TENM1: variants seen among roughly 807,000 people sequenced by gnomAD.
TENM1 encodes teneurin-1.
In TENM1, 35 loss-of-function variants were observed where a neutral mutation model predicts 174.8. The ratio of observed to expected loss-of-function variants is 0.20; its 90% CI spans 0.15 to 0.27. The LOEUF (loss-of-function observed/expected upper bound fraction) is 0.27, where lower values mean the gene tolerates loss of function less well. Ranked by LOEUF, TENM1 falls within the 10% of genes least tolerant of loss-of-function variation. The pLI is 1.00. For missense variants in TENM1, 1,633 were observed against 2,130.1 expected, an observed-to-expected ratio of 0.77 and a Z score of 4.59; for synonymous variants, 781 against 798.7, an observed-to-expected ratio of 0.98 and a Z score of 0.37.
intron 5 of TENM1, among the ~76,000 whole-genome samples, chrX:124,704,729 AAC>A (rs1287890195): frequency 9.0e-6 from 1 of 111,388 alleles, no homozygotes; most frequent in Non-Finnish European, 1.9e-5. Context: ...GGAAAACCAT[AAC>A]AACCTTTTAA....
chrX:124,435,134 C>A (rs1009314841), intron 23 of TENM1, among the ~76,000 whole-genome samples: 11 of 111,522 alleles, frequency 9.9e-5, no homozygotes, highest in African/African-American at 3.6e-4. Flanking sequence ...AGGACCTCTG[C>A]TGGTCTTAAC....
chrX:124,565,761 C>G (rs2048927556), intron 11 of TENM1, among the ~76,000 whole-genome samples: 1 of 111,325 alleles, frequency 9.0e-6, no homozygotes, highest in African/African-American at 3.3e-5. Flanking sequence ...ATCTTGGCTT[C>G]CCAAAGTGCT....
At chrX:125,045,934 C>T in the TENM1 span, among the ~76,000 whole-genome samples, 2 of 112,030 alleles carry the variant, frequency 1.8e-5, no homozygotes, top group Non-Finnish European at 3.8e-5. Flanking sequence ...CATCTACAAA[C>T]ACTAGAAACA....
At chrX:124,982,014 A>T in the TENM1 span, among the ~76,000 whole-genome samples, 1 of 72,793 alleles carries the variant, frequency 1.4e-5, no homozygotes, top group Non-Finnish European at 2.4e-5. Flanking sequence ...CCCCAGACAT[A>T]GCAGCGTGTG....
intron 11 of TENM1, among the ~76,000 whole-genome samples, chrX:124,600,027 T>A (rs191522901): frequency 1.6e-3 from 180 of 109,340 alleles, no homozygotes; most frequent in Middle Eastern, 0.014. Context: ...TATATATATA[T>A]GTGTGTGTGT....
intron 23 of TENM1, among the ~76,000 whole-genome samples, chrX:124,433,307 T>C (rs1417530032): frequency 8.9e-6 from 1 of 112,012 alleles, no homozygotes; most frequent in Non-Finnish European, 1.9e-5. Context: ...TTAAACTAAA[T>C]TGAAATAAAT....
At chrX:124,535,569 C>A (rs778125593) in intron 15 of TENM1, among the ~76,000 whole-genome samples, 2 of 111,431 alleles carry the variant, frequency 1.8e-5, no homozygotes, top group African/African-American at 3.3e-5. Context: ...TTTATTTGTC[C>A]CAAATAAGTG....
At chrX:124,965,146 C>T (rs894453456), upstream of TENM1, among the ~76,000 whole-genome samples, 5 of 111,690 alleles carry the variant, frequency 4.5e-5, no homozygotes, top group South Asian at 3.7e-4. Context: ...GGTGCGATCT[C>T]GGCTCACTGC....
At chrX:124,702,664 G>A (rs948050227) in intron 5 of TENM1, among the ~76,000 whole-genome samples, 1 of 111,824 alleles carries the variant, frequency 8.9e-6, no homozygotes. Context: ...GAGCAGCAAG[G>A]CCTAGCACTC....
At chrX:124,616,414 C>A (rs2050400008) in intron 11 of TENM1, among the ~76,000 whole-genome samples, 1 of 112,397 alleles carries the variant, frequency 8.9e-6, no homozygotes, top group African/African-American at 3.2e-5. Context: ...ATTACAATCA[C>A]CTGGGTAGCT....
chrX:124,642,708 C>G (rs1352293778), intron 10 of TENM1, among the ~76,000 whole-genome samples: 1 of 111,690 alleles, frequency 9.0e-6, no homozygotes, highest in Non-Finnish European at 1.9e-5. Context: ...TACATTCTAA[C>G]AAATGTGTAT....
intron 15 of TENM1, among the ~76,000 whole-genome samples, chrX:124,543,906 T>C (rs2048375187): frequency 8.9e-6 from 1 of 112,358 alleles, no homozygotes; most frequent in Non-Finnish European, 1.9e-5. Context: ...TGGTCTCTCT[T>C]GGTTGCACAA....
chrX:125,201,375 C>T, the TENM1 span, among the ~76,000 whole-genome samples: 4 of 112,316 alleles, frequency 3.6e-5, no homozygotes, highest in Non-Finnish European at 7.5e-5. Context: ...AAATCTTAAT[C>T]ACCTTTACAG....
the TENM1 span, among the ~76,000 whole-genome samples, chrX:125,118,726 A>G: frequency 9.0e-6 from 1 of 110,510 alleles, no homozygotes; most frequent in East Asian, 2.8e-4. Flanking sequence ...ACTGATACAC[A>G]TCTATTAGAA....
chrX:125,162,033 G>T, the TENM1 span, among the ~76,000 whole-genome samples: 5 of 111,865 alleles, frequency 4.5e-5, no homozygotes, highest in African/African-American at 1.6e-4. Context: ...CGGTAAAGAG[G>T]TGAGAAAGAT....
chrX:125,063,242 G>A, the TENM1 span, among the ~76,000 whole-genome samples: 9 of 111,990 alleles, frequency 8.0e-5, no homozygotes, highest in East Asian at 2.5e-3. Context: ...AACGTTCATG[G>A]AAGAAGCATA....
intron 2 of TENM1, among the ~76,000 whole-genome samples, chrX:124,895,471 G>A (rs2057547436): frequency 8.9e-6 from 1 of 111,931 alleles, no homozygotes; most frequent in South Asian, 3.7e-4. Context: ...AATGGATGAT[G>A]TTCATTCACC....
the TENM1 span, among the ~76,000 whole-genome samples, chrX:125,055,071 A>G: frequency 8.9e-6 from 1 of 111,969 alleles, no homozygotes; most frequent in Non-Finnish European, 1.9e-5. Context: ...TCCAAAAAGA[A>G]AAAAACTCAG....
chrX:125,197,771 T>G, the TENM1 span, among the ~76,000 whole-genome samples: 30 of 112,075 alleles, frequency 2.7e-4, no homozygotes, highest in East Asian at 8.1e-3. Flanking sequence ...ATTCTATCAT[T>G]AATAGTTCTA....
Sources: allele counts gnomAD v4.1 joint callset (sites outside exome capture counted in the v4.1 genomes callset), GRCh38; gene constraint gnomAD v4.1.1; transcripts MANE v1.5; gene names NCBI Gene and HGNC (gene_info 2026-07-23, HGNC 2026-07-21).